ITGA2: variants seen among roughly 807,000 people sequenced by gnomAD.
ITGA2 encodes integrin subunit alpha 2.
A neutral mutation model predicts 146.3 loss-of-function variants in ITGA2; 101 were observed. The ratio of observed to expected loss-of-function variants is 0.69; its 90% confidence interval spans 0.59 to 0.81. The LOEUF (loss-of-function observed/expected upper bound fraction) is 0.81, where lower values mean the gene tolerates loss of function less well. ITGA2 is among the 40% of genes least tolerant of loss of function. ITGA2 has a pLI of 0.00. For synonymous variants in ITGA2, 477 were observed against 487.1 expected (o/e 0.98, Z 0.27); for missense variants, 1,281 against 1,402.7 (o/e 0.91, Z 1.39).
At chr5:52,997,774 G>A (rs935288220) in intron 1 of ITGA2, among the ~76,000 whole-genome samples, 2 of 152,154 alleles carry the variant, frequency 1.3e-5, no homozygotes, top group Non-Finnish European at 2.9e-5. Context: ...TTAGATGCTT[G>A]TTAGAATAGA....
chr5:53,070,033 G>T, intron 16 of ITGA2, 76 bp from the exon 17 acceptor site: 1 of 1,212,434 alleles, frequency 8.2e-7, no homozygotes. Context: ...TGTCCAAGAA[G>T]ACACAATAAA....
chr5:53,065,819 C>A lies in ITGA2; in HGVS notation c.1807-22C>A, dbSNP rs373980183. Reference sequence around the variant, plus strand: ...GTTCAGCTGTTGTGTACTATAATTTCGTGTCAAACCTGCTCTTTTAGAAAA... The same window carrying A: ...GTTCAGCTGTTGTGTACTATAATTTAGTGTCAAACCTGCTCTTTTAGAAAA... On this transcript the variant is annotated intron_variant, in intron 14 of 29. Transcript: ENST00000296585. 3 of 1,611,418 alleles carry A rather than the reference C, an allele frequency of 1.9e-6. No homozygotes were observed. The East Asian group carries it at 6.7e-5, about 36-fold the overall frequency.
At position 53,090,553 on chromosome 5, in the gene ITGA2, C is replaced by G. The variant is rs1280483224; in HGVS notation, c.3500C>G (p.Thr1167Ser). Residue 1167 changes from threonine to serine, a missense_variant, in exon 30 of 30, where the codon ACC (threonine) becomes AGC (serine). By Grantham distance (58) the Thr-to-Ser change is moderately conservative. This residue lies in a region of ITGA2 where 475 missense variants were observed against 530.5 expected (regional missense o/e 0.90). Coordinates refer to ENST00000296585, the MANE Select transcript of ITGA2 (RefSeq NM_002203.4). ...TTCAAAAGAAAATATGAAAAGATGACCAAAAATCCAGATGAGATTGATGAG... is the reference window on the plus strand; with the variant it reads ...TTCAAAAGAAAATATGAAAAGATGAGCAAAAATCCAGATGAGATTGATGAG... The part of the protein sequence containing the change: ...GFFKRKYEKM[T>S]KNPDEIDETT... 6.2e-7 allele frequency: 1 copy of G among 1,614,008 alleles called. No homozygotes were observed.
At position 53,072,677 on chromosome 5, in the gene ITGA2, G is replaced by A. The variant is rs747487138; in HGVS notation, c.2411G>A (p.Arg804Gln). Residue 804 changes from arginine (R) to glutamine (Q), a missense_variant, in exon 19 of 30, where the codon CGA becomes CAA. This residue lies in a region of ITGA2 where 475 missense variants were observed against 530.5 expected (regional missense o/e 0.90). Coordinates refer to ENST00000296585, the MANE Select transcript of ITGA2 (RefSeq NM_002203.4). ...ATTTCTGATCTAGTCCTAGATGTCC[G>A]ACAAATACCAGCTGCTCAGTAAGTT... ...LCISDLVLDV[R>Q]QIPAAQEQPF... 13 of 1,609,108 alleles carry A rather than the reference G, an allele frequency of 8.1e-6. No homozygotes were observed. Among genetic ancestry groups the A allele is most frequent in the East Asian group, 4.5e-5 (2 of 44,704 alleles).
At position 53,062,848 on chromosome 5, in the gene ITGA2, C is replaced by T. The variant is rs371281604; in HGVS notation, c.1521C>T (p.Asp507=). Residue 507 remains aspartate, a synonymous_variant, in exon 13 of 30, where the codon GAC becomes GAT. Transcript: ENST00000296585. ...ATGTGGATAAAGACACCATTACAGA[C>T]GTGCTCTTGGTAGGTGCACCAATGT... The part of the protein sequence containing the change: ...SVDVDKDTIT[D]VLLVGAPMYM... The T allele has an allele frequency of 2.7e-5, 44 of 1,610,870 alleles. No individual in the cohort carries two copies. The highest frequency in any genetic ancestry group is 7.7e-5 in the South Asian group (7 of 91,018).
At position 53,069,257 on chromosome 5, in the gene ITGA2, T is replaced by C. The variant is rs1221315428; in HGVS notation, c.2084-852T>C. Among the ~76,000 whole-genome samples, 8 of 151,916 alleles carry C rather than the reference T, an allele frequency of 5.3e-5. No homozygotes were observed. In the South Asian group the frequency reaches 1.0e-3, roughly 20 times the overall value. Reference sequence around the variant, plus strand: ...CTTTAGTTGAAGGTAATAATTCTGATAGTTTAGACATCGGCTACTGACATC... The same window carrying C: ...CTTTAGTTGAAGGTAATAATTCTGACAGTTTAGACATCGGCTACTGACATC... On this transcript the variant is annotated intron_variant, in intron 16 of 29. Transcript: ENST00000296585.
chr5:52,999,854 C>T (rs1469605681), intron 1 of ITGA2, among the ~76,000 whole-genome samples: 1 of 152,154 alleles, frequency 6.6e-6, no homozygotes, highest in African/African-American at 2.4e-5. Flanking sequence ...CACAGCTTAA[C>T]ACATAATTTT....
At chr5:52,993,351 A>G (rs1487578602) in intron 1 of ITGA2, among the ~76,000 whole-genome samples, 1 of 152,152 alleles carries the variant, frequency 6.6e-6, no homozygotes, top group African/African-American at 2.4e-5. Flanking sequence ...TTTGACTTAA[A>G]TTTATGGACT....
rs1008282586 is a variant in ITGA2, at chr5:53,062,869, A to G, written c.1542A>G (p.Pro514=). The G allele has an allele frequency of 3.1e-6, 5 of 1,611,546 alleles. No individual in the cohort carries two copies. Among genetic ancestry groups the G allele is most frequent in the Non-Finnish European group, 4.2e-6 (5 of 1,178,260 alleles). Residue 514 remains proline (P), a synonymous_variant, in exon 13 of 30, where the codon CCA becomes CCG. Transcript: ENST00000296585. ...CAGACGTGCTCTTGGTAGGTGCACCAATGTACATGAGTGACCTAAAGAAAG... is the reference window on the plus strand; with the variant it reads ...CAGACGTGCTCTTGGTAGGTGCACCGATGTACATGAGTGACCTAAAGAAAG... ...TITDVLLVGA[P]MYMSDLKKEE... is the part of the protein sequence containing the mutation.
chr5:53,075,886 CA>C (rs1745641733), intron 23 of ITGA2, among the ~76,000 whole-genome samples: 2 of 151,912 alleles, frequency 1.3e-5, no homozygotes, highest in Admixed American at 1.3e-4. Context: ...AGGTTTTTTC[CA>C]AAGGATGTTA....
intron 2 of ITGA2, among the ~76,000 whole-genome samples, chr5:53,030,744 T>G (rs758441337): frequency 6.6e-6 from 1 of 152,246 alleles, no homozygotes; most frequent in Non-Finnish European, 1.5e-5. Context: ...AAGATTTATA[T>G]GCAGAATAGG....
At position 52,989,390 on chromosome 5, in the gene ITGA2, C is replaced by G; in HGVS notation, c.-79C>G. On this transcript the variant is annotated 5_prime_UTR_variant, in exon 1 of 30. Transcript: ENST00000296585. ...GGACAGCTTCTAGAGTGTGCAGGTTCTCGTATCCCTCGGCCAAGGGTATCC... is the reference window on the plus strand; with the variant it reads ...GGACAGCTTCTAGAGTGTGCAGGTTGTCGTATCCCTCGGCCAAGGGTATCC... 4 of 1,446,588 alleles carry G rather than the reference C, an allele frequency of 2.8e-6. No individual in the cohort carries two copies. Among genetic ancestry groups the G allele is most frequent in the Non-Finnish European group, 3.9e-6 (4 of 1,028,018 alleles). 89.6% of individuals were successfully genotyped at this position (1,446,588 alleles called of 1,614,324 possible). A position where few individuals can be genotyped will look rare whatever the true frequency, so the allele number is the denominator to read the frequency against.
At chr5:53,090,298 T>TA (rs1260966755) in intron 29 of ITGA2, among the ~76,000 whole-genome samples, 1 of 152,210 alleles carries the variant, frequency 6.6e-6, no homozygotes, top group African/African-American at 2.4e-5. Context: ...TTCAAATAAG[T>TA]AGACGCTGAA....
intron 19 of ITGA2, 137 bp from the exon 20 acceptor site, chr5:53,072,981 T>C (rs1745469842): frequency 1.2e-6 from 1 of 838,422 alleles, no homozygotes; most frequent in Non-Finnish European, 1.9e-6. Context: ...GATGCAAAGA[T>C]AGTTTATTAC....
At chr5:52,991,698 C>T (rs954189106) in intron 1 of ITGA2, among the ~76,000 whole-genome samples, 1 of 152,100 alleles carries the variant, frequency 6.6e-6, no homozygotes, top group Non-Finnish European at 1.5e-5. Context: ...AACATATCAC[C>T]TTCAAATCTT....
chr5:53,002,919 G>A (rs904314004), intron 1 of ITGA2, among the ~76,000 whole-genome samples: 4 of 151,716 alleles, frequency 2.6e-5, no homozygotes, highest in Admixed American at 6.6e-5. Context: ...TTCAAGTTAC[G>A]ATTTAAAAAT....
At chr5:53,042,675 T>C (rs966913412) in intron 3 of ITGA2, among the ~76,000 whole-genome samples, 2 of 152,120 alleles carry the variant, frequency 1.3e-5, no homozygotes, top group African/African-American at 4.8e-5. Context: ...AATCCACAAT[T>C]TGGAATTATT....
Position 53,015,184 on chromosome 5 carries a change from T to C in ITGA2, c.65-11564T>C, listed in dbSNP as rs183130905. Among the ~76,000 whole-genome samples, 361 of 152,276 alleles carry C rather than the reference T, an allele frequency of 2.4e-3. 2 individuals carry two copies. The highest frequency in any genetic ancestry group is 8.5e-3 in the African/African-American group (353 of 41,584). ...GTTGTTCTAGCTCCCATTGGTGTGA[T>C]ATTAGGTTGTTAATTTGAGATCTTT... is the stretch of plus-strand genomic sequence containing the variant. On this transcript the variant is annotated intron_variant, in intron 1 of 29. Transcript: ENST00000296585.
In ITGA2 at chr5:53,056,123, TAGG is replaced by T. The variant is rs1744623753; in HGVS notation, c.1073_1075del (p.Gly358del). The T allele has an allele frequency of 1.9e-6, 3 of 1,611,876 alleles. No homozygotes were observed. Among genetic ancestry groups the T allele is most frequent in the Non-Finnish European group, 2.5e-6 (3 of 1,178,722 alleles). On this transcript the variant is annotated inframe_deletion, in exon 9 of 30. Coordinates refer to ENST00000296585, the MANE Select transcript of ITGA2 (RefSeq NM_002203.4). Reference sequence around the variant, plus strand: ...GCTCTACTAGAAAAGGCTGGGACATTAGGAGAACAAATTTTCAGCATTGAAGGT... The same window carrying T: ...GCTCTACTAGAAAAGGCTGGGACATTAGAACAAATTTTCAGCATTGAAGGT...
Sources: allele counts gnomAD v4.1 joint callset (sites outside exome capture counted in the v4.1 genomes callset), GRCh38; gene constraint gnomAD v4.1.1; regional missense constraint gnomAD v4.1.1; transcripts MANE v1.5; gene names NCBI Gene and HGNC (gene_info 2026-07-23, HGNC 2026-07-21).